Variants in WNT2B observed in about 807,000 individuals in gnomAD.
WNT2B encodes Wnt family member 2B, also known as protein Wnt-2b.
Under a neutral mutation model 40.5 loss-of-function variants are expected in WNT2B, and 19 were observed. The observed-to-expected ratio is 0.47, with a 90% CI of 0.33 to 0.69. The LOEUF (loss-of-function observed/expected upper bound fraction) is 0.69, where lower values mean the gene tolerates loss of function less well. Among genes scored for constraint, WNT2B ranks in the 30% least tolerant of loss-of-function variants. The pLI, the probability that WNT2B is intolerant of heterozygous loss-of-function variation, is 0.02. For missense variants in WNT2B, 467 were observed against 556.4 expected, an observed-to-expected ratio of 0.84 and a Z score of 1.62; for synonymous variants, 220 against 211.9, an observed-to-expected ratio of 1.04 and a Z score of -0.33.
chr1:112,498,677 A>G (rs1484703477), intron 1 of WNT2B, among the ~76,000 whole-genome samples: 1 of 152,040 alleles, frequency 6.6e-6, no homozygotes, highest in Non-Finnish European at 1.5e-5. Context: ...CAGTTTGGAA[A>G]TTGTTTCCCA....
intron 1 of WNT2B, among the ~76,000 whole-genome samples, chr1:112,472,283 G>T (rs1383747481): frequency 6.6e-6 from 1 of 152,150 alleles, no homozygotes; most frequent in Non-Finnish European, 1.5e-5. Context: ...ATCACCAGAG[G>T]ATGTGAGAGG....
In WNT2B at chr1:112,467,735, G is replaced by A. The variant is rs572347095; in HGVS notation, c.-95+144G>A. The A allele has an allele frequency of 4.4e-5, 27 of 615,716 alleles. No homozygotes were observed. The African/African-American group carries it at 4.5e-4, about 10-fold the overall frequency. The allele number at this position is 615,716 out of a possible 1,614,324, so 38.1% of individuals were successfully genotyped here. On this transcript the variant is annotated intron_variant, in intron 1 of 4. Transcript: ENST00000256640. ...AATGGTCAAGCTTGTTATACACGTA[G>A]TATGTATAATGGTCAAGTCAGGATA...
chr1:112,524,627 C>A lies in WNT2B; in HGVS notation c.*4118C>A, dbSNP rs780581632. The A allele has an allele frequency of 2.0e-5, 3 of 152,602 alleles. No homozygotes were observed. The highest frequency in any genetic ancestry group is 2.9e-5 in the Non-Finnish European group (2 of 68,058). 9.5% of individuals were successfully genotyped at this position (152,602 alleles called of 1,614,324 possible). On this transcript the variant is annotated 3_prime_UTR_variant, in exon 5 of 5. Transcript: ENST00000369684. ...CCTTGGTGGAGGCCTCTGCCCCGAC[C>A]CTCCACTTGGGAACTGCCTGCTACT...
At chr1:112,486,738 A>T (rs1295853045) in intron 1 of WNT2B, among the ~76,000 whole-genome samples, 1 of 152,180 alleles carries the variant, frequency 6.6e-6, no homozygotes, top group Non-Finnish European at 1.5e-5. Flanking sequence ...AAATGAAAAG[A>T]TCATTAGTCA....
At chr1:112,495,499 G>A (rs894515824) in intron 1 of WNT2B, among the ~76,000 whole-genome samples, 3 of 151,700 alleles carry the variant, frequency 2.0e-5, no homozygotes, top group Non-Finnish European at 4.4e-5. Context: ...TGAGGCAGGA[G>A]AATGGCGTGA....
Position 112,520,274 on chromosome 1 carries a change from A to G in WNT2B, c.947-6A>G, listed in dbSNP as rs763340910. On this transcript the variant is annotated splice_polypyrimidine_tract_variant and splice_region_variant and intron_variant, in intron 4 of 4. Coordinates refer to ENST00000369684, the MANE Select transcript of WNT2B (RefSeq NM_024494.3). ...TTGTTCTCACTCCCTCTCTTCCCCA[A>G]CCCAGGTTCCCTAGGCACTGCAGGC... 3 of 1,612,958 alleles carry G rather than the reference A, an allele frequency of 1.9e-6. No homozygotes were observed. Among genetic ancestry groups the G allele is most frequent in the Non-Finnish European group, 2.5e-6 (3 of 1,179,524 alleles).
At chr1:112,485,573 C>T (rs1422618082) in intron 1 of WNT2B, among the ~76,000 whole-genome samples, 5 of 152,092 alleles carry the variant, frequency 3.3e-5, no homozygotes, top group African/African-American at 4.8e-5. Context: ...AACAGTCTCT[C>T]AAATATGTGC....
intron 1 of WNT2B, among the ~76,000 whole-genome samples, chr1:112,472,676 T>G (rs1650917597): frequency 6.6e-6 from 1 of 150,662 alleles, no homozygotes; most frequent in African/African-American, 2.4e-5. Flanking sequence ...AAGGTAAAAA[T>G]CACAATGTCT....
chr1:112,513,726 C>T (rs1652433770), intron 1 of WNT2B, among the ~76,000 whole-genome samples: 1 of 152,174 alleles, frequency 6.6e-6, no homozygotes, highest in South Asian at 2.1e-4. Context: ...TCTCCATGGC[C>T]CCACCTGTTC....
In WNT2B at chr1:112,509,503, C is replaced by T; in HGVS notation, c.182+59C>T. On this transcript the variant is annotated intron_variant, in intron 1 of 4. Transcript: ENST00000369684. The surrounding 1 kb of genome is among the most constrained non-coding windows in gnomAD (Gnocchi z 4.2). ...GCTTGGTAGGAGAGGCCGGAGGCGC[C>T]TGGAGGGACTGGCTGCTCACGGGAC... 6.7e-7 allele frequency: 1 copy of T among 1,500,668 alleles called. No individual in the cohort carries two copies. The highest frequency in any genetic ancestry group is 8.8e-7 in the Non-Finnish European group (1 of 1,141,060). The allele number at this position is 1,500,668 out of a possible 1,614,324, so 93.0% of individuals were successfully genotyped here. A position where few individuals can be genotyped will look rare whatever the true frequency, so the allele number is the denominator to read the frequency against.
chr1:112,478,473 A>ACTGATCACATATAAGGGAGACTCG (rs1651118477), intron 1 of WNT2B, among the ~76,000 whole-genome samples: 1 of 152,164 alleles, frequency 6.6e-6, no homozygotes, highest in African/African-American at 2.4e-5. Context: ...GAGAAAAGTA[A>ACTGATCACATATAAGGGAGACTCG]CTGATCACAT....
chr1:112,529,344 G>A lies in WNT2B; in HGVS notation c.*8835G>A, dbSNP rs1314821019. Reference sequence around the variant, plus strand: ...CCCTCCCCTAGGTAGTTTATAAAGGGTGATTTCTGAAACCCTTCACAAAAG... The same window carrying A: ...CCCTCCCCTAGGTAGTTTATAAAGGATGATTTCTGAAACCCTTCACAAAAG... On this transcript the variant is annotated 3_prime_UTR_variant, in exon 5 of 5. Coordinates refer to ENST00000369684, the MANE Select transcript of WNT2B (RefSeq NM_024494.3). 6.6e-6 allele frequency: 1 copy of A among 152,136 alleles called. No homozygotes were observed. The highest frequency in any genetic ancestry group is 1.5e-5 in the Non-Finnish European group (1 of 68,022). The allele number at this position is 152,136 out of a possible 1,614,324, so 9.4% of individuals were successfully genotyped here.
chr1:112,527,581 G>T lies in WNT2B; in HGVS notation c.*7072G>T, dbSNP rs1242646139. 1 of 152,658 alleles carries T rather than the reference G, an allele frequency of 6.6e-6. No individual in the cohort carries two copies. Among genetic ancestry groups the T allele is most frequent in the Non-Finnish European group, 1.5e-5 (1 of 68,042 alleles). 9.5% of individuals were successfully genotyped at this position (152,658 alleles called of 1,614,324 possible). ...GACTCCTGGAAAAGAGGCAGAGCAG[G>T]AGAGTGTTGAATGAGCTGCTGATGA... On this transcript the variant is annotated 3_prime_UTR_variant, in exon 5 of 5. Coordinates refer to ENST00000369684, the MANE Select transcript of WNT2B (RefSeq NM_024494.3).
chr1:112,514,503 A>T (rs1203597257), intron 1 of WNT2B, among the ~76,000 whole-genome samples: 2 of 152,058 alleles, frequency 1.3e-5, no homozygotes, highest in Non-Finnish European at 2.9e-5. Context: ...TTATTTTGTT[A>T]GTTTATGTTT....
intron 1 of WNT2B, among the ~76,000 whole-genome samples, chr1:112,510,661 C>T (rs1297617376): frequency 1.3e-5 from 2 of 152,116 alleles, no homozygotes; most frequent in Non-Finnish European, 2.9e-5. Context: ...TCCCAACCCC[C>T]ACCCCCTGTT....
At position 112,498,101 on chromosome 1, in the gene WNT2B, G is replaced by A. The variant is rs185835974; in HGVS notation, c.-94-16773G>A. ...TCCCCCCCAACCCCCGATAGGCCCC[G>A]GTGTGTGTTGTTCCCCTCCTTGTGT... On this transcript the variant is annotated intron_variant, in intron 1 of 4. Transcript: ENST00000256640. Among the ~76,000 whole-genome samples the A allele has an allele frequency of 2.4e-3, 320 of 134,250 alleles. 2 individuals are homozygous for A. Among genetic ancestry groups the A allele is most frequent in the Admixed American group, 9.7e-3 (120 of 12,364 alleles). The allele number at this position is 134,250 out of a possible 152,430, so 88.1% of individuals were successfully genotyped here.
upstream of WNT2B, among the ~76,000 whole-genome samples, chr1:112,507,355 C>T (rs901971918): frequency 6.6e-5 from 10 of 152,322 alleles, no homozygotes; most frequent in African/African-American, 2.4e-4. Context: ...GTGCCTAGCA[C>T]AGTCCTGGCA....
Position 112,520,430 on chromosome 1 carries a change from G to A in WNT2B, c.1097G>A (p.Arg366Gln), listed in dbSNP as rs771136481. The change falls in exon 5 of 5, where the codon CGG (arginine) becomes CAG (glutamine). Residue 366 changes from arginine (R) to glutamine (Q), a missense_variant. By Grantham distance (43) the Arg-to-Gln change is conservative (BLOSUM62 1). Around this residue, in one of 2 missense-constraint regions of WNT2B, gnomAD observed 330 missense variants for 438.6 expected, o/e 0.75. Coordinates refer to ENST00000369684, the MANE Select transcript of WNT2B (RefSeq NM_024494.3). ...AAATTCCACTGGTGCTGTGCTGTAC[G>A]GTGCAAGGAATGCAGAAATACTGTG... ...ECKFHWCCAV[R>Q]CKECRNTVDV... 1.5e-5 allele frequency: 25 copies of A among 1,614,044 alleles called. No homozygotes were observed. The highest frequency in any genetic ancestry group is 4.0e-5 in the African/African-American group (3 of 74,918).
chr1:112,467,328 T>C, exon 1 of WNT2B: 1 of 513,842 alleles, frequency 1.9e-6, no homozygotes, highest in Non-Finnish European at 3.5e-6. Flanking sequence ...ACTGGAAGCC[T>C]GAATTGAGGA....
Sources: allele counts gnomAD v4.1 joint callset (sites outside exome capture counted in the v4.1 genomes callset), GRCh38; gene constraint gnomAD v4.1.1; regional missense constraint gnomAD v4.1.1; non-coding constraint Gnocchi (gnomAD v3.1); transcripts MANE v1.5; gene names NCBI Gene and HGNC (gene_info 2026-07-23, HGNC 2026-07-21).